The following COL5A2 variants were observed in gnomAD, a reference collection of about 807,000 sequenced individuals.
COL5A2 encodes the protein collagen alpha-2(V) chain.
COL5A2 carries 23 observed loss-of-function variants against 208.2 expected under a neutral mutation model. The ratio of observed to expected loss-of-function variants is 0.11; its 90% CI spans 0.08 to 0.16. The LOEUF (loss-of-function observed/expected upper bound fraction) is 0.16, where lower values mean the gene tolerates loss of function less well. Among genes scored for constraint, COL5A2 ranks in the 10% least tolerant of loss-of-function variants. The pLI is 1.00. For synonymous variants in COL5A2, 625 were observed against 628.5 expected (o/e 0.99, Z 0.08); for missense variants, 1,590 against 1,956.4 (o/e 0.81, Z 3.53).
At chr2:189,280,739 G>A in the COL5A2 span, among the ~76,000 whole-genome samples, 1 of 152,006 alleles carries the variant, frequency 6.6e-6, no homozygotes, top group South Asian at 2.1e-4. Context: ...GATCAACTGA[G>A]GTTCATAGCC....
chr2:189,345,771 T>C, the COL5A2 span, among the ~76,000 whole-genome samples: 252 of 152,164 alleles, frequency 1.7e-3, 1 homozygote, highest in African/African-American at 5.6e-3. Context: ...TAGGGAAGAC[T>C]TGAGAAAATA....
chr2:189,409,204 CTTTTT>C, the COL5A2 span, among the ~76,000 whole-genome samples: 1 of 92,084 alleles, frequency 1.1e-5, no homozygotes, highest in African/African-American at 3.9e-5. Flanking sequence ...TAAATTTACT[CTTTTT>C]TTTTTTTTTT....
chr2:189,088,878 T>C (rs1253538855), intron 7 of COL5A2, 106 bp from the exon 8 acceptor site: 1 of 906,058 alleles, frequency 1.1e-6, no homozygotes. Flanking sequence ...AGAATGACTC[T>C]TCTGAGAATC....
chr2:189,229,644 C>T (rs1689457392), upstream of COL5A2, among the ~76,000 whole-genome samples: 1 of 151,486 alleles, frequency 6.6e-6, no homozygotes, highest in Admixed American at 6.6e-5. Context: ...AAGACTTGTA[C>T]ACTAAAAACT....
the COL5A2 span, among the ~76,000 whole-genome samples, chr2:189,403,103 C>T: frequency 1.3e-5 from 2 of 152,070 alleles, no homozygotes; most frequent in African/African-American, 2.4e-5. Context: ...TGGTTTGTAG[C>T]TCTCCTTGAA....
chr2:189,121,970 T>C (rs541996349), intron 1 of COL5A2, among the ~76,000 whole-genome samples: 1 of 152,292 alleles, frequency 6.6e-6, no homozygotes, highest in East Asian at 1.9e-4. Flanking sequence ...CATCCACTTA[T>C]ACTCATTTTC....
chr2:189,270,236 C>T, the COL5A2 span, among the ~76,000 whole-genome samples: 10 of 152,134 alleles, frequency 6.6e-5, no homozygotes, highest in Non-Finnish European at 1.5e-4. Context: ...CGATCTCTTT[C>T]AGTTCTGCTC....
chr2:189,176,248 C>T (rs1016897042), intron 1 of COL5A2, among the ~76,000 whole-genome samples: 2 of 152,040 alleles, frequency 1.3e-5, no homozygotes, highest in East Asian at 1.9e-4. Flanking sequence ...ATTCATGGGC[C>T]GGGAGCCAAA....
chr2:189,320,480 T>C, the COL5A2 span, among the ~76,000 whole-genome samples: 1 of 152,194 alleles, frequency 6.6e-6, no homozygotes, highest in Non-Finnish European at 1.5e-5. Flanking sequence ...AAGGACCTGA[T>C]GGGGCTGAAA....
At chr2:189,271,117 A>C in the COL5A2 span, among the ~76,000 whole-genome samples, 2 of 152,182 alleles carry the variant, frequency 1.3e-5, no homozygotes, top group Non-Finnish European at 2.9e-5. Flanking sequence ...ATCCCCATCA[A>C]GCTACCATGG....
chr2:189,084,230 CAA>C (rs1686601368), intron 11 of COL5A2, among the ~76,000 whole-genome samples, 193 bp from the exon 12 acceptor site: 1 of 152,182 alleles, frequency 6.6e-6, no homozygotes, highest in Non-Finnish European at 1.5e-5. Context: ...TCCATTCTAT[CAA>C]GTTAGTCTGT....
At chr2:189,415,698 C>T in the COL5A2 span, among the ~76,000 whole-genome samples, 1 of 152,082 alleles carries the variant, frequency 6.6e-6, no homozygotes, top group African/African-American at 2.4e-5. Context: ...CTTGCTCTGT[C>T]GCCCAGGCTG....
At chr2:189,274,791 CT>C in the COL5A2 span, among the ~76,000 whole-genome samples, 1 of 151,746 alleles carries the variant, frequency 6.6e-6, no homozygotes, top group African/African-American at 2.4e-5. Context: ...TATCTTTATA[CT>C]TTTGTTTTCT....
chr2:189,224,878 A>G (rs1333929704), intron 1 of COL5A2, among the ~76,000 whole-genome samples: 2 of 152,136 alleles, frequency 1.3e-5, no homozygotes, highest in African/African-American at 4.8e-5. Flanking sequence ...TATGAAAGGC[A>G]GAGTCAATAT....
rs1346724459 is a variant in COL5A2 at position 189,072,064 on chromosome 2, A to C, written c.1134T>G (p.Gly378=). The change falls in exon 18 of 54, where the codon GGT becomes GGG. Residue 378 remains glycine (G), a synonymous_variant. Transcript: ENST00000374866. ...MGPLGIPGSS[G]FPGNPGMKGE... is the part of the protein sequence containing the mutation. ...CCTTCATTCCAGGATTTCCTGGAAA[A>C]CCAGAAGAGCCTGGTATCCCAAGAG... The C allele has an allele frequency of 6.2e-7, 1 of 1,609,042 alleles. No homozygotes were observed. Among genetic ancestry groups the C allele is most frequent in the South Asian group, 1.1e-5 (1 of 90,462 alleles).
the COL5A2 span, among the ~76,000 whole-genome samples, chr2:189,240,612 T>C: frequency 6.6e-6 from 1 of 152,188 alleles, no homozygotes; most frequent in South Asian, 2.1e-4. Flanking sequence ...GTTTTATGTC[T>C]TGACTCTGCT....
At chr2:189,318,605 G>C in the COL5A2 span, among the ~76,000 whole-genome samples, 1 of 152,130 alleles carries the variant, frequency 6.6e-6, no homozygotes, top group African/African-American at 2.4e-5. Context: ...CCAATTAATA[G>C]TACCTGATAG....
the COL5A2 span, among the ~76,000 whole-genome samples, chr2:189,270,618 C>T: frequency 4.5e-4 from 69 of 152,132 alleles, no homozygotes; most frequent in East Asian, 0.012. Context: ...CATTCTTTTG[C>T]GTTTGCTGAA....
intron 1 of COL5A2, among the ~76,000 whole-genome samples, chr2:189,208,148 C>A (rs1163905567): frequency 6.6e-6 from 1 of 152,112 alleles, no homozygotes; most frequent in Non-Finnish European, 1.5e-5. Flanking sequence ...TGACTAAATC[C>A]AAATTCATTA....
Sources: gnomAD v4.1 joint callset for allele counts (sites outside exome capture counted in the v4.1 genomes callset) on GRCh38, gnomAD v4.1.1 for gene constraint, MANE v1.5 for transcripts, NCBI Gene and HGNC (gene_info 2026-07-23, HGNC 2026-07-21) for gene names.